EHBP1: variants seen among roughly 807,000 people sequenced by gnomAD.
The protein encoded by EHBP1 is EH domain-binding protein 1.
EHBP1 carries 55 observed loss-of-function variants against 144.0 expected under a neutral mutation model. The ratio of observed to expected loss-of-function variants is 0.38; its 90% confidence interval spans 0.31 to 0.48. EHBP1 has a LOEUF of 0.48. Ranked by LOEUF, EHBP1 falls within the 20% of genes least tolerant of loss-of-function variation. The pLI is 0.98. For missense variants in EHBP1, 1,200 were observed against 1,364.2 expected (o/e 0.88, Z 1.90); for synonymous variants, 469 against 472.7 (o/e 0.99, Z 0.10).
intron 5 of EHBP1, among the ~76,000 whole-genome samples, chr2:62,784,984 A>G (rs568283392): frequency 6.6e-6 from 1 of 152,266 alleles, no homozygotes; most frequent in African/African-American, 2.4e-5. Flanking sequence ...CAGAGTGATA[A>G]TATGGTCAGA....
chr2:62,763,436 T>C (rs2040919073), intron 3 of EHBP1, among the ~76,000 whole-genome samples: 1 of 152,310 alleles, frequency 6.6e-6, no homozygotes, highest in Admixed American at 6.5e-5. Flanking sequence ...AAGGTTCTTA[T>C]GTAGATTAAA....
At chr2:62,858,278 T>C in intron 7 of EHBP1, 1 of 564,008 alleles carries the variant, frequency 1.8e-6, no homozygotes. Flanking sequence ...CAAAATAACA[T>C]CCACCGAATG....
chr2:63,000,292 T>A (rs527780538), intron 19 of EHBP1, among the ~76,000 whole-genome samples: 1 of 152,254 alleles, frequency 6.6e-6, no homozygotes, highest in African/African-American at 2.4e-5. Context: ...CTATGGGATT[T>A]ATATGTCTGG....
intron 7 of EHBP1, among the ~76,000 whole-genome samples, chr2:62,850,238 G>C (rs116599804): frequency 1.3e-5 from 2 of 152,242 alleles, no homozygotes; most frequent in African/African-American, 4.8e-5. Context: ...CCTGAATCTC[G>C]TTATAATTTA....
intron 10 of EHBP1, among the ~76,000 whole-genome samples, chr2:62,895,984 T>TA (rs2052892222): frequency 6.6e-6 from 1 of 152,206 alleles, no homozygotes; most frequent in Non-Finnish European, 1.5e-5. Flanking sequence ...TGTTTTCTAC[T>TA]ACAATTTAAA....
intron 19 of EHBP1, among the ~76,000 whole-genome samples, chr2:63,006,601 G>A (rs1206355769): frequency 1.3e-5 from 2 of 151,880 alleles, no homozygotes; most frequent in African/African-American, 4.8e-5. Flanking sequence ...TACAGACACT[G>A]TAAGTTAAAT....
At chr2:62,678,293 T>C (rs1015012222) in intron 1 of EHBP1, among the ~76,000 whole-genome samples, 1 of 152,234 alleles carries the variant, frequency 6.6e-6, no homozygotes, top group African/African-American at 2.4e-5. Flanking sequence ...TTTTGAGAAA[T>C]GTCTATTCAA....
At chr2:62,838,242 T>C in intron 7 of EHBP1, among the ~76,000 whole-genome samples, 1 of 152,188 alleles carries the variant, frequency 6.6e-6, no homozygotes, top group Non-Finnish European at 1.5e-5. Context: ...GAATGACTAC[T>C]GGGTACATAA....
intron 3 of EHBP1, among the ~76,000 whole-genome samples, chr2:62,762,659 C>A (rs2040855097): frequency 6.6e-6 from 1 of 152,144 alleles, no homozygotes; most frequent in Non-Finnish European, 1.5e-5. Context: ...GTGGACTCTA[C>A]CTAGAAAATA....
At chr2:62,960,668 C>T (rs2057955239) in intron 14 of EHBP1, among the ~76,000 whole-genome samples, 1 of 152,074 alleles carries the variant, frequency 6.6e-6, no homozygotes, top group South Asian at 2.1e-4. Flanking sequence ...TTTTCATATC[C>T]TCTGAGTGTC....
At chr2:62,826,036 G>A (rs1370650592) in intron 5 of EHBP1, 51 bp from the exon 6 acceptor site, 1 of 1,293,742 alleles carries the variant, frequency 7.7e-7, no homozygotes, top group Admixed American at 2.8e-5. Flanking sequence ...TAAAATGTTT[G>A]GCTATAAAAT....
intron 10 of EHBP1, among the ~76,000 whole-genome samples, chr2:62,924,463 C>T (rs1421684271): frequency 1.3e-5 from 2 of 152,060 alleles, no homozygotes; most frequent in East Asian, 3.9e-4. Context: ...ATCAACACAC[C>T]ATTAGCTAGA....
Position 62,979,282 on chromosome 2 carries a change from G to A in EHBP1, c.2555G>A (p.Ser852Asn), listed in dbSNP as rs767380143. The A allele has an allele frequency of 1.2e-6, 2 of 1,613,820 alleles. No individual in the cohort carries two copies. The highest frequency in any genetic ancestry group is 1.7e-6 in the Non-Finnish European group (2 of 1,179,908). ...GGAGTGAAGATGTCAGAACTTCCCA[G>A]CTATGGTGAAATGGCTGCAGAAAAG... is the stretch of plus-strand genomic sequence containing the variant. ...RSGVKMSELP[S>N]YGEMAAEKLK... The change falls in exon 15 of 23, where the codon AGC (serine) becomes AAC (asparagine). Residue 852 changes from serine (S) to asparagine (N), a missense_variant. Around this residue, in one of 6 missense-constraint regions of EHBP1, gnomAD observed 543 missense variants for 513.1 expected, o/e 1.06. Transcript: ENST00000431489.
At chr2:62,830,975 C>A (rs1558749766) in intron 6 of EHBP1, 44 bp from the exon 7 acceptor site, 1 of 1,567,018 alleles carries the variant, frequency 6.4e-7, no homozygotes. Flanking sequence ...ATTTTTCTAA[C>A]TGTCATTTAG....
Position 62,840,183 on chromosome 2 carries a change from C to T in EHBP1, c.634+9025C>T, listed in dbSNP as rs562280078. 8.7e-5 allele frequency among the ~76,000 whole-genome samples: 13 copies of T among 149,544 alleles called. No individual in the cohort carries two copies. In the East Asian group the frequency reaches 2.0e-3, roughly 23 times the overall value. On this transcript the variant is annotated intron_variant, in intron 7 of 22. Coordinates refer to ENST00000431489, the MANE Select transcript of EHBP1 (RefSeq NM_001142616.3). The stretch of plus-strand genomic sequence containing the variant: ...AGAACAGAGCCCTCAGAAATAACGC[C>T]GCATACCTACAACTATCTGATCTTT...
chr2:62,998,883 C>T (rs887939612), intron 19 of EHBP1, among the ~76,000 whole-genome samples: 2 of 152,136 alleles, frequency 1.3e-5, no homozygotes, highest in Non-Finnish European at 2.9e-5. Flanking sequence ...TTTAAACCTC[C>T]TCCAACACAA....
chr2:62,905,558 C>T (rs1201765892), intron 10 of EHBP1, among the ~76,000 whole-genome samples: 1 of 149,638 alleles, frequency 6.7e-6, no homozygotes, highest in Non-Finnish European at 1.5e-5. Flanking sequence ...GGCGCAGCAG[C>T]TCATACCTAT....
At chr2:62,921,014 A>AC (rs2055034853) in intron 10 of EHBP1, among the ~76,000 whole-genome samples, 1 of 152,212 alleles carries the variant, frequency 6.6e-6, no homozygotes, top group African/African-American at 2.4e-5. Flanking sequence ...CTGTTTGGAT[A>AC]AACAGTGTGT....
intron 15 of EHBP1, among the ~76,000 whole-genome samples, chr2:62,981,031 CT>C (rs1391320680): frequency 2.1e-5 from 3 of 142,132 alleles, no homozygotes. Context: ...GATCATGCCA[CT>C]GTCCTCCAGC....
Sources: allele counts gnomAD v4.1 joint callset (sites outside exome capture counted in the v4.1 genomes callset), GRCh38; gene constraint gnomAD v4.1.1; regional missense constraint gnomAD v4.1.1; transcripts MANE v1.5; gene names NCBI Gene and HGNC (gene_info 2026-07-23, HGNC 2026-07-21).